The following PCLO variants were observed in gnomAD, a reference collection of about 807,000 sequenced individuals.
The protein encoded by PCLO is piccolo presynaptic cytomatrix protein.
PCLO carries 82 observed loss-of-function variants against 427.5 expected under a neutral mutation model. That is an observed-to-expected ratio of 0.19 (90% confidence interval 0.16 to 0.23). The LOEUF (loss-of-function observed/expected upper bound fraction) is 0.23. PCLO is among the 10% of genes least tolerant of loss of function. The pLI is 1.00. For synonymous variants in PCLO, 2,357 were observed against 2,155.4 expected, an observed-to-expected ratio of 1.09 and a Z score of -2.59; for missense variants, 6,239 against 6,115.9, an observed-to-expected ratio of 1.02 and a Z score of -0.67.
intron 20 of PCLO, among the ~76,000 whole-genome samples, chr7:82,816,857 C>G (rs957063247): frequency 6.6e-6 from 1 of 151,964 alleles, no homozygotes; most frequent in Non-Finnish European, 1.5e-5. Flanking sequence ...ACAGAAGTAC[C>G]CATTGATGGT....
At chr7:82,767,237 C>T (rs865874452) in intron 22 of PCLO, among the ~76,000 whole-genome samples, 36 of 152,046 alleles carry the variant, frequency 2.4e-4, no homozygotes, top group African/African-American at 7.2e-4. Flanking sequence ...ATGCTTTGAC[C>T]AGCCTTCAGG....
chr7:83,112,321 G>T (rs1019737654), intron 3 of PCLO, among the ~76,000 whole-genome samples: 2 of 152,182 alleles, frequency 1.3e-5, no homozygotes, highest in African/African-American at 4.8e-5. Flanking sequence ...CTCCCAAAGT[G>T]TTGGGATTAC....
rs370635756 is a variant in PCLO, at chr7:83,162,331, C to T, written c.248+14G>A. ...TACATATATGCCCGGACATATACAT[C>T]ATGCTGTGCATGCCTGTGCATGGAA... On this transcript the variant is annotated intron_variant, in intron 1 of 24. Coordinates refer to ENST00000333891, the MANE Select transcript of PCLO (RefSeq NM_033026.6). 1 of 1,590,488 alleles carries T rather than the reference C, an allele frequency of 6.3e-7. No homozygotes were observed. Among genetic ancestry groups the T allele is most frequent in the Non-Finnish European group, 8.6e-7 (1 of 1,169,364 alleles).
rs201804307 is a variant in PCLO at position 82,914,775 on chromosome 7, T to C, written c.13211A>G (p.His4404Arg). The change falls in exon 7 of 25, where the codon CAC becomes CGC. Residue 4404 changes from histidine (H) to arginine (R), a missense_variant. Around this residue, in one of 5 missense-constraint regions of PCLO, gnomAD observed 877 missense variants for 925.5 expected, o/e 0.95. Transcript: ENST00000333891. ...TCGAGTCCGTGATTCTTCCCTCATGTGTTGCTGAACTTCAGGCAATGAGTG... is the reference window on the plus strand; with the variant it reads ...TCGAGTCCGTGATTCTTCCCTCATGCGTTGCTGAACTTCAGGCAATGAGTG... ...SSHSLPEVQQ[H>R]MREESRTRGY... is the part of the protein sequence containing the mutation. The C allele has an allele frequency of 4.0e-4, 652 of 1,613,368 alleles. 1 individual carries two copies. Among genetic ancestry groups the C allele is most frequent in the Non-Finnish European group, 5.2e-4 (609 of 1,179,704 alleles).
chr7:83,133,537 ATTC>A (rs1479803026), intron 3 of PCLO, among the ~76,000 whole-genome samples: 1 of 152,070 alleles, frequency 6.6e-6, no homozygotes, highest in Non-Finnish European at 1.5e-5. Flanking sequence ...CAGAAAAAGT[ATTC>A]TTATCATCCC....
At position 82,899,640 on chromosome 7, in the gene PCLO, A is replaced by G. The variant is rs1340802122; in HGVS notation, c.13528+3011T>C. ...AGAAAAGATATAGTACATTACTAGC[A>G]AATTTATTGTCCAAAAAAATAACAT... On this transcript the variant is annotated intron_variant, in intron 9 of 24. Transcript: ENST00000333891. Among the ~76,000 whole-genome samples the G allele has an allele frequency of 6.6e-5, 10 of 151,568 alleles. No individual in the cohort carries two copies. The Admixed American group carries it at 6.6e-4, about 10-fold the overall frequency.
At chr7:82,992,573 C>A (rs955528509) in intron 3 of PCLO, among the ~76,000 whole-genome samples, 10 of 151,958 alleles carry the variant, frequency 6.6e-5, no homozygotes, top group African/African-American at 1.7e-4. Context: ...CAGAGAACAT[C>A]ACACACCAGG....
chr7:82,910,893 C>G (rs1340576193), intron 7 of PCLO, among the ~76,000 whole-genome samples: 1 of 152,076 alleles, frequency 6.6e-6, no homozygotes. Flanking sequence ...AGATTATTCC[C>G]AGTGACACTG....
chr7:82,934,417 T>C (rs2116352284), intron 6 of PCLO, among the ~76,000 whole-genome samples: 1 of 152,042 alleles, frequency 6.6e-6, no homozygotes, highest in South Asian at 2.1e-4. Context: ...AGTTTAGTAA[T>C]CAAACTGCCA....
At chr7:82,912,900 G>A (rs2116250360) in intron 7 of PCLO, among the ~76,000 whole-genome samples, 1 of 151,930 alleles carries the variant, frequency 6.6e-6, no homozygotes, top group Non-Finnish European at 1.5e-5. Context: ...ACAATCTTAA[G>A]GCATTTCGTT....
chr7:83,056,402 G>A (rs974105724), intron 3 of PCLO, among the ~76,000 whole-genome samples: 70 of 152,200 alleles, frequency 4.6e-4, no homozygotes, highest in African/African-American at 1.4e-3. Flanking sequence ...TATTCAAACC[G>A]TTTAGAAAAA....
chr7:82,772,249 G>A (rs1033125473), intron 22 of PCLO, among the ~76,000 whole-genome samples: 1 of 152,062 alleles, frequency 6.6e-6, no homozygotes, highest in Admixed American at 6.6e-5. Context: ...ACCCATGCTT[G>A]TCCCATGCCA....
At position 82,952,812 on chromosome 7, in the gene PCLO, T is replaced by G; in HGVS notation, c.8141A>C (p.Gln2714Pro). Residue 2714 changes from glutamine (Q) to proline (P), a missense_variant, in exon 5 of 25, where the codon CAG (glutamine) becomes CCG (proline). By Grantham distance (76) the Gln-to-Pro change is moderately conservative. Around this residue, in one of 5 missense-constraint regions of PCLO, gnomAD observed 4,677 missense variants for 4,468.4 expected, o/e 1.05. Transcript: ENST00000333891. The stretch of plus-strand genomic sequence containing the variant: ...TTGCAATTTTCCATCTTCTTTATAC[T>G]GAGGCTTCTCTAAATGTATGTTATC... ...ALDNIHLEKPQYKEDGKLQLV... is the reference protein window; with the variant it reads ...ALDNIHLEKPPYKEDGKLQLV... The G allele has an allele frequency of 6.2e-7, 1 of 1,613,768 alleles. No homozygotes were observed. Among genetic ancestry groups the G allele is most frequent in the Non-Finnish European group, 8.5e-7 (1 of 1,179,764 alleles).
At chr7:83,100,310 G>C (rs1192275423) in intron 3 of PCLO, among the ~76,000 whole-genome samples, 1 of 152,014 alleles carries the variant, frequency 6.6e-6, no homozygotes, top group East Asian at 1.9e-4. Context: ...TCATTACTGG[G>C]AATATACCCC....
rs1016706342 is a variant in PCLO at position 82,821,908 on chromosome 7, C to T, written c.14791+587G>A. 8.1e-6 allele frequency: 8 copies of T among 985,278 alleles called. No homozygotes were observed. The African/African-American group carries it at 1.4e-4, about 17-fold the overall frequency. The allele number at this position is 985,278 out of a possible 1,614,324, so 61.0% of individuals were successfully genotyped here. A position where few individuals can be genotyped will look rare whatever the true frequency, so the allele number is the denominator to read the frequency against. On this transcript the variant is annotated intron_variant, in intron 20 of 24. Transcript: ENST00000333891. ...TTTTTCAGAAGACTACAATTTTTTG[C>T]ACATGGAAAGCTACCATATTTCAGA...
At chr7:82,847,815 T>TAA (rs1228636878) in intron 10 of PCLO, among the ~76,000 whole-genome samples, 1 of 152,114 alleles carries the variant, frequency 6.6e-6, no homozygotes, top group African/African-American at 2.4e-5. Context: ...AGGAATGTTA[T>TAA]AGGAAGGGCA....
At position 82,984,252 on chromosome 7, in the gene PCLO, C is replaced by G. The variant is rs559102934; in HGVS notation, c.3301-17765G>C. On this transcript the variant is annotated intron_variant, in intron 3 of 24. Transcript: ENST00000333891. ...TTACCTACTTTTATGGTACCCTTCT[C>G]AAATATTAAGATTCCAAGGAACATA... 2.1e-4 allele frequency among the ~76,000 whole-genome samples: 32 copies of G among 152,082 alleles called. 1 individual carries two copies. The South Asian group carries it at 6.4e-3, about 31-fold the overall frequency.
chr7:83,134,939 T>C lies in PCLO; in HGVS notation c.2611A>G (p.Met871Val), dbSNP rs1791680810. Residue 871 changes from methionine to valine, a missense_variant, in exon 3 of 25, where the codon ATG becomes GTG. Coordinates refer to ENST00000333891, the MANE Select transcript of PCLO (RefSeq NM_033026.6). The part of the protein sequence containing the change: ...KMSPKPDAKP[M>V]PKGSPTPPGP... ...GGGGGTGTTGGTGACCCTTTTGGCA[T>C]TGGCTTGGCATCTGGTTTAGGACTC... 2 of 1,607,264 alleles carry C rather than the reference T, an allele frequency of 1.2e-6. No individual in the cohort carries two copies. The highest frequency in any genetic ancestry group is 1.3e-5 in the African/African-American group (1 of 74,524).
At chr7:83,154,709 T>A (rs775301857) in intron 2 of PCLO, 39 bp downstream of exon 2, 2 of 1,413,242 alleles carry the variant, frequency 1.4e-6, no homozygotes, top group Non-Finnish European at 2.0e-6. Flanking sequence ...GAGGATGATA[T>A]GGCTGAAGAG....
Sources: allele counts gnomAD v4.1 joint callset (sites outside exome capture counted in the v4.1 genomes callset), GRCh38; gene constraint gnomAD v4.1.1; regional missense constraint gnomAD v4.1.1; transcripts MANE v1.5; gene names NCBI Gene and HGNC (gene_info 2026-07-23, HGNC 2026-07-21).